The following GPHN variants were observed in gnomAD, a reference collection of about 807,000 sequenced individuals.
GPHN encodes gephyrin.
GPHN carries 17 observed loss-of-function variants against 95.5 expected under a neutral mutation model. That is an observed-to-expected ratio of 0.18 (90% CI 0.12 to 0.27). GPHN has a LOEUF of 0.27. GPHN is among the 10% of genes least tolerant of loss of function. The pLI is 1.00. For synonymous variants in GPHN, 320 were observed against 322.5 expected (o/e 0.99, Z 0.08); for missense variants, 660 against 978.1 (o/e 0.67, Z 4.34).
chr14:66,982,485 A>G (rs1242050223), intron 9 of GPHN, among the ~76,000 whole-genome samples: 2 of 152,172 alleles, frequency 1.3e-5, no homozygotes, highest in African/African-American at 4.8e-5. Flanking sequence ...CAAAAGAGGT[A>G]ATACAGTGCA....
At chr14:66,674,203 A>G (rs773846394) in intron 1 of GPHN, among the ~76,000 whole-genome samples, 1 of 150,158 alleles carries the variant, frequency 6.7e-6, no homozygotes, top group African/African-American at 2.5e-5. Flanking sequence ...GGTTCATGCC[A>G]TTCTCCTGCC....
chr14:67,337,195 G>C, the GPHN span, among the ~76,000 whole-genome samples: 239 of 152,306 alleles, frequency 1.6e-3, no homozygotes, highest in African/African-American at 5.5e-3. Context: ...TTAAATGCTT[G>C]CAAAATCATT....
At chr14:67,651,039 C>T in the GPHN span, 3 of 1,119,684 alleles carry the variant, frequency 2.7e-6, no homozygotes, top group Non-Finnish European at 3.8e-6. Context: ...AACATTTACA[C>T]ATTCTCACAA....
intron 21 of GPHN, among the ~76,000 whole-genome samples, chr14:67,178,916 A>C (rs1226465651): frequency 6.6e-6 from 1 of 152,214 alleles, no homozygotes; most frequent in Non-Finnish European, 1.5e-5. Flanking sequence ...TGATGTATGT[A>C]AAGTGCTGAA....
the GPHN span, chr14:67,674,955 C>G: frequency 6.6e-6 from 1 of 152,598 alleles, no homozygotes; most frequent in Non-Finnish European, 1.5e-5. Context: ...AGCGTCTCGT[C>G]CCGGGGTCGC....
At chr14:67,411,338 A>G in the GPHN span, among the ~76,000 whole-genome samples, 1 of 152,034 alleles carries the variant, frequency 6.6e-6, no homozygotes, top group Non-Finnish European at 1.5e-5. Flanking sequence ...TGTCCCAGCT[A>G]TTACTGGCTC....
chr14:66,878,275 G>T (rs574255899), intron 4 of GPHN, among the ~76,000 whole-genome samples: 14 of 152,168 alleles, frequency 9.2e-5, no homozygotes, highest in Admixed American at 1.3e-4. Context: ...AAAAACCCTA[G>T]AAGAAAACAG....
intron 9 of GPHN, among the ~76,000 whole-genome samples, chr14:66,979,701 T>G (rs2070517419): frequency 6.6e-6 from 1 of 152,196 alleles, no homozygotes; most frequent in Non-Finnish European, 1.5e-5. Context: ...TAAATTTCCT[T>G]CCAGAACTTT....
chr14:67,511,498 C>T, the GPHN span, among the ~76,000 whole-genome samples: 7 of 152,112 alleles, frequency 4.6e-5, no homozygotes, highest in African/African-American at 1.4e-4. Context: ...CACTGGGAGC[C>T]GAGAATCCCG....
At chr14:67,197,506 C>T in the GPHN span, 1 of 152,108 alleles carries the variant, frequency 6.6e-6, no homozygotes, top group Non-Finnish European at 1.5e-5. Context: ...CTCCTGGAGA[C>T]TTAATATACT....
the GPHN span, among the ~76,000 whole-genome samples, chr14:67,610,358 T>C: frequency 2.6e-5 from 4 of 152,198 alleles, no homozygotes; most frequent in Admixed American, 6.5e-5. Context: ...AGCTAAACTT[T>C]GAGGCAAGGA....
At chr14:66,800,134 T>G (rs1200724870) in intron 3 of GPHN, among the ~76,000 whole-genome samples, 1 of 152,096 alleles carries the variant, frequency 6.6e-6, no homozygotes, top group East Asian at 1.9e-4. Context: ...ACTTTTTGTT[T>G]TTTCTATTTA....
chr14:67,132,157 A>C (rs2079759000), intron 17 of GPHN, among the ~76,000 whole-genome samples: 1 of 152,204 alleles, frequency 6.6e-6, no homozygotes. Context: ...TGAGATAGAA[A>C]ATTGGGTTCT....
chr14:66,546,600 T>A (rs2059609787), intron 1 of GPHN, among the ~76,000 whole-genome samples: 1 of 151,768 alleles, frequency 6.6e-6, no homozygotes, highest in African/African-American at 2.4e-5. Flanking sequence ...CGAAACCCCG[T>A]CTCCACCAAA....
chr14:67,384,673 G>A, the GPHN span: 41 of 152,322 alleles, frequency 2.7e-4, no homozygotes, highest in Middle Eastern at 3.4e-3. Flanking sequence ...AGAAGAGTGT[G>A]TTGGGCAGGT....
At chr14:67,650,571 A>C in the GPHN span, 2 of 681,818 alleles carry the variant, frequency 2.9e-6, no homozygotes, top group Non-Finnish European at 5.1e-6. Context: ...ATGAGGTGCA[A>C]GGGGCTTCCT....
chr14:67,053,573 AAAC>A (rs1029067166), intron 10 of GPHN, among the ~76,000 whole-genome samples: 2 of 152,232 alleles, frequency 1.3e-5, no homozygotes, highest in Non-Finnish European at 2.9e-5. Flanking sequence ...AAACTATTCT[AAAC>A]AACTGAAAAG....
chr14:67,586,976 C>A, the GPHN span: 5 of 1,535,880 alleles, frequency 3.3e-6, no homozygotes, highest in African/African-American at 6.9e-5. Context: ...ATTAAATAAA[C>A]TGAGGCCCAG....
At chr14:67,437,226 T>C in the GPHN span, among the ~76,000 whole-genome samples, 1 of 152,176 alleles carries the variant, frequency 6.6e-6, no homozygotes, top group Admixed American at 6.5e-5. Context: ...CAGACAGACA[T>C]GATCCTGCCT....
Sources: allele counts gnomAD v4.1 joint callset (sites outside exome capture counted in the v4.1 genomes callset), GRCh38; gene constraint gnomAD v4.1.1; transcripts MANE v1.5; gene names NCBI Gene and HGNC (gene_info 2026-07-23, HGNC 2026-07-21).